Variants in GALNT14 observed in about 807,000 individuals in gnomAD.
GALNT14 encodes UDP-GalNAc:polypeptide N-acetylgalactosaminyltransferase 14.
A neutral mutation model predicts 77.5 loss-of-function variants in GALNT14; 60 were observed. The ratio of observed to expected loss-of-function variants is 0.77; its 90% CI spans 0.63 to 0.96. The LOEUF is 0.96. GALNT14 is among the 40% of genes least tolerant of loss of function. The pLI, the probability that GALNT14 is intolerant of heterozygous loss-of-function variation, is 0.00. For missense variants in GALNT14, 710 were observed against 731.0 expected, an observed-to-expected ratio of 0.97 and a Z score of 0.33; for synonymous variants, 280 against 281.7, an observed-to-expected ratio of 0.99 and a Z score of 0.06.
chr2:31,114,276 A>G (rs371536304), intron 1 of GALNT14, among the ~76,000 whole-genome samples: 2,663 of 144,288 alleles, frequency 0.018, 22 homozygotes, highest in South Asian at 0.033. Flanking sequence ...AACAAGTGGG[A>G]AAAAAAAAAA....
At chr2:30,950,032 T>C (rs1331017166) in intron 6 of GALNT14, among the ~76,000 whole-genome samples, 1 of 152,208 alleles carries the variant, frequency 6.6e-6, no homozygotes, top group Non-Finnish European at 1.5e-5. Flanking sequence ...CAGCCAGCTC[T>C]GGGGACTCGG....
intron 1 of GALNT14, among the ~76,000 whole-genome samples, chr2:31,025,269 G>A (rs1013011933): frequency 2.0e-5 from 3 of 152,090 alleles, no homozygotes; most frequent in African/African-American, 7.2e-5. Context: ...GATAGGCCTC[G>A]ATCCCATTGC....
At chr2:30,905,917 A>T (rs1299734140), downstream of GALNT14, among the ~76,000 whole-genome samples, 1 of 150,556 alleles carries the variant, frequency 6.6e-6, no homozygotes, top group Non-Finnish European at 1.5e-5. Flanking sequence ...CAACATTCTT[A>T]AAGAAAAGAA....
chr2:30,905,251 T>C, the GALNT14 span, among the ~76,000 whole-genome samples: 3 of 151,986 alleles, frequency 2.0e-5, no homozygotes, highest in African/African-American at 4.8e-5. Flanking sequence ...CTTCAGACGA[T>C]CAAATTACTC....
the GALNT14 span, among the ~76,000 whole-genome samples, chr2:30,890,596 T>A: frequency 6.6e-6 from 1 of 152,212 alleles, no homozygotes; most frequent in Non-Finnish European, 1.5e-5. Flanking sequence ...GAGGCATTTA[T>A]GAAGTATTTT....
At position 31,035,031 on chromosome 2, in the gene GALNT14, G is replaced by C. The variant is rs143508403; in HGVS notation, c.130-42024C>G. Among the ~76,000 whole-genome samples, 23 of 152,290 alleles carry C rather than the reference G, an allele frequency of 1.5e-4. No individual in the cohort carries two copies. In the East Asian group the frequency reaches 4.0e-3, roughly 27 times the overall value. ...GGTCTAACATATGGCCTATCCTAGA[G>C]AATGTTCCACGTACACTTTAGAAGA... On this transcript the variant is annotated intron_variant, in intron 1 of 14. Coordinates refer to ENST00000349752, the MANE Select transcript of GALNT14 (RefSeq NM_024572.4).
rs57864916 is a variant in GALNT14 at position 31,046,227 on chromosome 2, C to CT, written c.130-53221dup. The stretch of plus-strand genomic sequence containing the variant: ...GTTGGCTGACTCTGGAACCCATATT[C>CT]TTTTTTTTTTTTTTTTTGAGATGGA... On this transcript the variant is annotated intron_variant, in intron 1 of 14. Transcript: ENST00000349752. 2.4e-3 allele frequency among the ~76,000 whole-genome samples: 316 copies of CT among 134,046 alleles called. 1 individual carries two copies. Among genetic ancestry groups the CT allele is most frequent in the East Asian group, 9.4e-3 (42 of 4,482 alleles). 87.9% of individuals were successfully genotyped at this position (134,046 alleles called of 152,430 possible).
chr2:30,907,701 C>T (rs1664180954), downstream of GALNT14, among the ~76,000 whole-genome samples: 1 of 149,954 alleles, frequency 6.7e-6, no homozygotes, highest in East Asian at 2.0e-4. Context: ...TCCTCCCTAA[C>T]TCATTTTATG....
chr2:31,057,370 G>GTATATATATATATACACACAGC, intron 1 of GALNT14, among the ~76,000 whole-genome samples: 1 of 120,236 alleles, frequency 8.3e-6, no homozygotes, highest in Non-Finnish European at 1.7e-5. Context: ...GTGTGTGTGT[G>GTATATATATATATACACACAGC]TGTGTATATA....
intron 1 of GALNT14, among the ~76,000 whole-genome samples, chr2:31,094,486 T>G (rs904814085): frequency 1.3e-5 from 2 of 152,218 alleles, no homozygotes; most frequent in Non-Finnish European, 2.9e-5. Context: ...CATAACTGTT[T>G]GTGTGATCAG....
chr2:31,047,558 T>C (rs114967544), intron 1 of GALNT14, among the ~76,000 whole-genome samples: 2,017 of 152,228 alleles, frequency 0.013, 45 homozygotes, highest in African/African-American at 0.044. Flanking sequence ...ACAAGCAACA[T>C]TTCTTAGGCC....
chr2:31,091,089 T>A (rs1676714540), intron 1 of GALNT14, among the ~76,000 whole-genome samples: 1 of 152,166 alleles, frequency 6.6e-6, no homozygotes, highest in Non-Finnish European at 1.5e-5. Context: ...CTGGGTTTGC[T>A]TTGACTGGGG....
At chr2:30,890,504 T>C in the GALNT14 span, among the ~76,000 whole-genome samples, 2 of 152,340 alleles carry the variant, frequency 1.3e-5, no homozygotes, top group Non-Finnish European at 1.5e-5. Context: ...TATGCTGTGC[T>C]TATCCAATGG....
At chr2:31,112,578 C>T (rs1677897760) in intron 1 of GALNT14, among the ~76,000 whole-genome samples, 1 of 152,218 alleles carries the variant, frequency 6.6e-6, no homozygotes, top group African/African-American at 2.4e-5. Context: ...AGGCCAACAT[C>T]CATGACCTAG....
chr2:30,943,284 C>A (rs1306093576), intron 8 of GALNT14, among the ~76,000 whole-genome samples: 1 of 152,170 alleles, frequency 6.6e-6, no homozygotes, highest in East Asian at 1.9e-4. Context: ...TGAAAAGGGG[C>A]TACCAAGGAA....
intron 1 of GALNT14, among the ~76,000 whole-genome samples, chr2:31,123,974 G>A (rs566159333): frequency 1.1e-4 from 17 of 152,210 alleles, no homozygotes; most frequent in African/African-American, 3.4e-4. Flanking sequence ...CACAGTGTTC[G>A]GGAATCAGAA....
At chr2:31,093,152 C>G (rs1488141949) in intron 1 of GALNT14, among the ~76,000 whole-genome samples, 2 of 152,104 alleles carry the variant, frequency 1.3e-5, no homozygotes, top group African/African-American at 2.4e-5. Context: ...CTCTGCCCAC[C>G]ATGTGGGATC....
chr2:31,006,109 T>A (rs1670654856), intron 1 of GALNT14, among the ~76,000 whole-genome samples: 1 of 152,114 alleles, frequency 6.6e-6, no homozygotes, highest in East Asian at 1.9e-4. Context: ...TCTCCATGCC[T>A]CCCAGGACTT....
intron 1 of GALNT14, among the ~76,000 whole-genome samples, chr2:31,130,619 T>G (rs1324804833): frequency 1.3e-5 from 2 of 152,140 alleles, no homozygotes; most frequent in Non-Finnish European, 2.9e-5. Context: ...CAGCAGCCAC[T>G]GCCAAATGCA....
Sources: gnomAD v4.1 joint callset for allele counts (sites outside exome capture counted in the v4.1 genomes callset) on GRCh38, gnomAD v4.1.1 for gene constraint, MANE v1.5 for transcripts, NCBI Gene and HGNC (gene_info 2026-07-23, HGNC 2026-07-21) for gene names.